The following ABR variants were observed in gnomAD, a reference collection of about 807,000 sequenced individuals.
ABR encodes active breakpoint cluster region-related protein.
In ABR, 35 loss-of-function variants were observed where a neutral mutation model predicts 107.2. The ratio of observed to expected loss-of-function variants is 0.33; its 90% CI spans 0.25 to 0.43. The LOEUF is 0.43. Among genes scored for constraint, ABR ranks in the 20% least tolerant of loss-of-function variants. The pLI is 1.00. For synonymous variants in ABR, 498 were observed against 462.0 expected (o/e 1.08, Z -1.00); for missense variants, 815 against 1,115.2 (o/e 0.73, Z 3.83).
chr17:1,023,479 G>T (rs1044103288), intron 16 of ABR, among the ~76,000 whole-genome samples: 1 of 152,238 alleles, frequency 6.6e-6, no homozygotes, highest in Non-Finnish European at 1.5e-5. Flanking sequence ...CCAGCCCAGG[G>T]CAGGTCGAGG....
At chr17:1,104,562 C>T (rs1335957372) in intron 2 of ABR, among the ~76,000 whole-genome samples, 2 of 152,200 alleles carry the variant, frequency 1.3e-5, no homozygotes, top group Admixed American at 6.5e-5. Flanking sequence ...GCAGGATCTG[C>T]TCAGAGTAGA....
chr17:1,159,452 A>G (rs185938091), intron 1 of ABR, among the ~76,000 whole-genome samples: 5 of 82,400 alleles, frequency 6.1e-5, no homozygotes, highest in African/African-American at 9.3e-5. Context: ...CGGTACTCAC[A>G]CACAAGGGAA....
At chr17:1,220,073 C>T (rs1227370294) in intron 1 of ABR, among the ~76,000 whole-genome samples, 2 of 147,522 alleles carry the variant, frequency 1.4e-5, no homozygotes, top group Admixed American at 6.8e-5. Context: ...GGGCGGATCA[C>T]GAGGTCAGGA....
rs955493309 is a variant in ABR at position 1,005,418 on chromosome 17, G to C, written c.*662C>G. ...GTCTGCTTGTCCAACATTTGCACAG[G>C]CAGCAAGGCAAAGCAGGTGTGCTCC... On this transcript the variant is annotated 3_prime_UTR_variant, in exon 23 of 23. Transcript: ENST00000302538. 1 of 350,418 alleles carries C rather than the reference G, an allele frequency of 2.9e-6. No homozygotes were observed. Among genetic ancestry groups the C allele is most frequent in the African/African-American group, 2.1e-5 (1 of 47,678 alleles). The allele number at this position is 350,418 out of a possible 1,614,324, so 21.7% of individuals were successfully genotyped here. A position where few individuals can be genotyped will look rare whatever the true frequency, so the allele number is the denominator to read the frequency against.
Position 1,157,240 on chromosome 17 carries a change from C to T in ABR, c.61+22427G>A, listed in dbSNP as rs143900197. Among the ~76,000 whole-genome samples, 2 of 146,890 alleles carry T rather than the reference C, an allele frequency of 1.4e-5. No individual in the cohort carries two copies. The highest frequency in any genetic ancestry group is 7.1e-5 in the Admixed American group (1 of 14,152). On this transcript the variant is annotated intron_variant, in intron 1 of 22. Coordinates refer to ENST00000302538, the MANE Select transcript of ABR (RefSeq NM_021962.5). The surrounding 1 kb of genome is among the most constrained non-coding windows in gnomAD (Gnocchi z 4.7). Reference sequence around the variant, plus strand: ...TGCTACTAAGTCAGTCGTGCTACAGCGCACATTACTTTTTTTTTTTTTTTT... The same window carrying T: ...TGCTACTAAGTCAGTCGTGCTACAGTGCACATTACTTTTTTTTTTTTTTTT...
intron 7 of ABR, among the ~76,000 whole-genome samples, chr17:1,073,072 C>T (rs1000216132): frequency 9.3e-5 from 14 of 149,988 alleles, no homozygotes; most frequent in African/African-American, 2.2e-4. Flanking sequence ...CCCAGCTACT[C>T]GGGAGGCTGA....
intron 1 of ABR, among the ~76,000 whole-genome samples, chr17:1,203,268 C>T (rs2042705795): frequency 6.6e-6 from 1 of 151,490 alleles, no homozygotes; most frequent in Non-Finnish European, 1.5e-5. Flanking sequence ...TCGGATCCAG[C>T]CAGGCTCCCG....
intron 16 of ABR, among the ~76,000 whole-genome samples, chr17:1,032,661 C>CAGAGGACGCCACGGG (rs1407110844): frequency 1.9e-4 from 28 of 148,948 alleles, no homozygotes; most frequent in Non-Finnish European, 2.7e-4. Flanking sequence ...GTGCTGGGCG[C>CAGAGGACGCCACGGG]CTTGAGAGAG....
In ABR at chr17:1,050,281, C is replaced by T. The variant is rs1330700454; in HGVS notation, c.1660-100G>A. On this transcript the variant is annotated intron_variant, in intron 15 of 22. Transcript: ENST00000302538. This position sits in a 1 kb window ranked among gnomAD's most constrained non-coding sequence, Gnocchi z 4.6. Reference sequence around the variant, plus strand: ...AGCTTTGCAAGGAGGAGGGAGTAAGCACGGCCCACGAAGGACACGTCAGAT... The same window carrying T: ...AGCTTTGCAAGGAGGAGGGAGTAAGTACGGCCCACGAAGGACACGTCAGAT... 17 of 1,439,072 alleles carry T rather than the reference C, an allele frequency of 1.2e-5. No homozygotes were observed. The highest frequency in any genetic ancestry group is 1.4e-5 in the Non-Finnish European group (15 of 1,067,280). 89.1% of individuals were successfully genotyped at this position (1,439,072 alleles called of 1,614,324 possible).
intron 16 of ABR, 84 bp downstream of exon 16, chr17:1,049,966 G>C: frequency 6.6e-7 from 1 of 1,515,002 alleles, no homozygotes; most frequent in East Asian, 2.3e-5. Context: ...TCACGAAAGA[G>C]CAGGCTCCTT....
intron 4 of ABR, among the ~76,000 whole-genome samples, chr17:1,087,758 A>G (rs542753181): frequency 3.9e-5 from 6 of 152,074 alleles, no homozygotes; most frequent in Middle Eastern, 3.4e-3. Context: ...TTCCCACAAG[A>G]AGGAGAAAGC....
exon 1 of ABR, chr17:1,229,087 G>C (rs1416478335): frequency 3.3e-5 from 5 of 151,524 alleles, no homozygotes; most frequent in African/African-American, 1.2e-4. Context: ...GTCCCGAACC[G>C]GCAAGGGGCC....
intron 1 of ABR, chr17:1,228,207 C>T (rs2043258128): frequency 6.6e-6 from 1 of 152,296 alleles, no homozygotes; most frequent in South Asian, 2.1e-4. Flanking sequence ...CCGGGCGCCG[C>T]CTTCTAAGAA....
At chr17:1,114,154 A>G (rs2038869721) in intron 2 of ABR, among the ~76,000 whole-genome samples, 2 of 143,250 alleles carry the variant, frequency 1.4e-5, no homozygotes, top group East Asian at 4.2e-4. Flanking sequence ...TGGGCCACAG[A>G]GAAAGACCCT....
At chr17:1,015,051 T>G (rs1414700760) in intron 16 of ABR, among the ~76,000 whole-genome samples, 1 of 152,166 alleles carries the variant, frequency 6.6e-6, no homozygotes, top group East Asian at 1.9e-4. Context: ...AAACAAAAAT[T>G]TCCAGAGACC....
intron 13 of ABR, among the ~76,000 whole-genome samples, chr17:1,056,478 G>A (rs1187238334): frequency 2.6e-5 from 4 of 152,090 alleles, no homozygotes; most frequent in African/African-American, 7.2e-5. Context: ...GTCGAGGAAA[G>A]CTTGCCTTCA....
Position 1,050,432 on chromosome 17 carries a change from G to T in ABR, c.1659+105C>A, listed in dbSNP as rs984067392. ...AGAGGAGCAGGGAGCAGAAAGGGGG[G>T]TGCAGACATAGCTGGTCCAACCAAT... On this transcript the variant is annotated intron_variant, in intron 15 of 22. Coordinates refer to ENST00000302538, the MANE Select transcript of ABR (RefSeq NM_021962.5). The surrounding 1 kb of genome is among the most constrained non-coding windows in gnomAD (Gnocchi z 4.6). 2.8e-5 allele frequency: 31 copies of T among 1,126,872 alleles called. No individual in the cohort carries two copies. Among genetic ancestry groups the T allele is most frequent in the Non-Finnish European group, 3.6e-5 (27 of 746,762 alleles). The allele number at this position is 1,126,872 out of a possible 1,614,324, so 69.8% of individuals were successfully genotyped here.
intron 12 of ABR, among the ~76,000 whole-genome samples, chr17:1,057,649 ATGTGTGTATGTG>A (rs2033472449): frequency 1.5e-5 from 2 of 137,600 alleles, no homozygotes; most frequent in African/African-American, 2.7e-5. Flanking sequence ...GCCTCTGTGT[ATGTGTGTATGTG>A]TGTGTGTGTG....
At chr17:1,108,762 C>CG (rs1015483345) in intron 2 of ABR, among the ~76,000 whole-genome samples, 47 of 152,078 alleles carry the variant, frequency 3.1e-4, no homozygotes, top group African/African-American at 1.1e-3. Flanking sequence ...GGACACCGGT[C>CG]GGGGAGGCAG....
Sources: gnomAD v4.1 joint callset for allele counts (sites outside exome capture counted in the v4.1 genomes callset) on GRCh38, gnomAD v4.1.1 for gene constraint, Gnocchi (gnomAD v3.1) non-coding constraint, MANE v1.5 for transcripts, NCBI Gene and HGNC (gene_info 2026-07-23, HGNC 2026-07-21) for gene names.